The following SGCZ variants were observed in gnomAD, a reference collection of about 807,000 sequenced individuals.
SGCZ encodes the protein zeta-sarcoglycan.
Under a neutral mutation model 41.3 loss-of-function variants are expected in SGCZ, and 40 were observed. The observed-to-expected ratio is 0.97, with a 90% CI of 0.75 to 1.26. The LOEUF is 1.26. Ranked by LOEUF, SGCZ falls within the 50% of genes most tolerant of loss-of-function variation. The pLI, the probability that SGCZ is intolerant of heterozygous loss-of-function variation, is 0.00. For synonymous variants in SGCZ, 206 were observed against 137.5 expected (o/e 1.50, Z -3.49); for missense variants, 552 against 369.8 (o/e 1.49, Z -4.04).
At chr8:15,178,432 C>T (rs1800064131) in intron 1 of SGCZ, among the ~76,000 whole-genome samples, 1 of 152,178 alleles carries the variant, frequency 6.6e-6, no homozygotes, top group East Asian at 1.9e-4. Flanking sequence ...GGACTCATGT[C>T]TATATTAAGA....
chr8:14,464,647 T>A (rs996803475), intron 2 of SGCZ, among the ~76,000 whole-genome samples: 1 of 151,558 alleles, frequency 6.6e-6, no homozygotes, highest in African/African-American at 2.4e-5. Context: ...TTGGGTTTAG[T>A]TTGTTCTTCT....
intron 1 of SGCZ, among the ~76,000 whole-genome samples, chr8:15,014,017 G>A (rs1221413323): frequency 4.6e-5 from 7 of 152,124 alleles, no homozygotes; most frequent in South Asian, 2.1e-4. Flanking sequence ...AATCCCAAAC[G>A]GGTGAAAATC....
intron 1 of SGCZ, among the ~76,000 whole-genome samples, chr8:14,566,843 C>T (rs909768496): frequency 2.0e-5 from 3 of 152,178 alleles, no homozygotes; most frequent in Admixed American, 6.5e-5. Context: ...AGGCAGGAAC[C>T]GGGGCTGCAC....
At chr8:14,842,885 A>T (rs1451568463) in intron 1 of SGCZ, among the ~76,000 whole-genome samples, 1 of 152,128 alleles carries the variant, frequency 6.6e-6, no homozygotes, top group South Asian at 2.1e-4. Flanking sequence ...GGAGCCATGC[A>T]TTTTTCTCAT....
chr8:15,019,763 T>A (rs187424057), intron 1 of SGCZ, among the ~76,000 whole-genome samples: 6 of 151,490 alleles, frequency 4.0e-5, no homozygotes, highest in Non-Finnish European at 1.5e-5. Context: ...GACTCCAGCA[T>A]GTCTCCATCA....
At chr8:14,426,012 A>G (rs1229969523) in intron 2 of SGCZ, among the ~76,000 whole-genome samples, 8 of 152,326 alleles carry the variant, frequency 5.3e-5, no homozygotes, top group African/African-American at 1.9e-4. Flanking sequence ...ATTAATTAAC[A>G]TTAATTGCAA....
intron 1 of SGCZ, among the ~76,000 whole-genome samples, chr8:14,848,685 C>T (rs541176541): frequency 6.6e-6 from 1 of 152,216 alleles, no homozygotes; most frequent in South Asian, 2.1e-4. Flanking sequence ...CCACTATCTA[C>T]AAAATTTATT....
chr8:15,006,215 A>T (rs1490842622), intron 1 of SGCZ, among the ~76,000 whole-genome samples: 1 of 152,236 alleles, frequency 6.6e-6, no homozygotes. Flanking sequence ...AGCACTAGAC[A>T]TACTGATGAT....
intron 3 of SGCZ, among the ~76,000 whole-genome samples, chr8:14,239,402 T>C (rs1306432550): frequency 6.6e-6 from 1 of 152,122 alleles, no homozygotes; most frequent in Non-Finnish European, 1.5e-5. Flanking sequence ...CATCCTGCAG[T>C]TCAAAAAATT....
chr8:14,542,012 T>G (rs920408598), intron 2 of SGCZ, among the ~76,000 whole-genome samples: 1 of 152,196 alleles, frequency 6.6e-6, no homozygotes, highest in African/African-American at 2.4e-5. Flanking sequence ...TTTAGGTTCC[T>G]TGTAGATTCT....
intron 2 of SGCZ, among the ~76,000 whole-genome samples, chr8:14,475,672 T>G (rs1209571478): frequency 6.6e-6 from 1 of 152,164 alleles, no homozygotes; most frequent in Non-Finnish European, 1.5e-5. Flanking sequence ...TCAGAATCTT[T>G]TAATGAGGGT....
At chr8:15,116,614 A>C (rs1169225258) in intron 1 of SGCZ, among the ~76,000 whole-genome samples, 1 of 152,242 alleles carries the variant, frequency 6.6e-6, no homozygotes, top group East Asian at 1.9e-4. Flanking sequence ...GAAAGGGCAA[A>C]GGGTATATCC....
At chr8:14,835,277 A>AC (rs548435345) in intron 1 of SGCZ, among the ~76,000 whole-genome samples, 46 of 152,290 alleles carry the variant, frequency 3.0e-4, no homozygotes, top group African/African-American at 1.1e-3. Context: ...TTGCGAACTA[A>AC]CCTGACCTAT....
intron 1 of SGCZ, among the ~76,000 whole-genome samples, chr8:14,661,544 G>A (rs1337808569): frequency 1.3e-5 from 2 of 152,050 alleles, no homozygotes; most frequent in Admixed American, 1.3e-4. Flanking sequence ...TATGTTTTAG[G>A]TTAGGGTGTC....
chr8:14,476,289 A>C (rs1238811233), intron 2 of SGCZ, among the ~76,000 whole-genome samples: 1 of 152,160 alleles, frequency 6.6e-6, no homozygotes, highest in Non-Finnish European at 1.5e-5. Context: ...CTGCCCCAAG[A>C]GAACAAAAAG....
At chr8:14,620,303 G>C (rs1806241558) in intron 1 of SGCZ, among the ~76,000 whole-genome samples, 1 of 152,138 alleles carries the variant, frequency 6.6e-6, no homozygotes, top group Admixed American at 6.5e-5. Context: ...ATGGATTAAA[G>C]ACTTAAATGT....
At chr8:14,679,947 G>A (rs915330870) in intron 1 of SGCZ, among the ~76,000 whole-genome samples, 1 of 151,930 alleles carries the variant, frequency 6.6e-6, no homozygotes, top group Non-Finnish European at 1.5e-5. Context: ...AATGCCTACA[G>A]TACTCAGAAC....
At chr8:14,539,492 G>T (rs1454810706) in intron 2 of SGCZ, among the ~76,000 whole-genome samples, 2 of 151,788 alleles carry the variant, frequency 1.3e-5, no homozygotes, top group Non-Finnish European at 2.9e-5. Flanking sequence ...AGATTGGTGG[G>T]GTTCTCCAGC....
chr8:14,464,639 G>A (rs567401636), intron 2 of SGCZ, among the ~76,000 whole-genome samples: 2 of 150,776 alleles, frequency 1.3e-5, no homozygotes, highest in South Asian at 4.2e-4. Flanking sequence ...TGTTACTTTT[G>A]GGTTTAGTTT....
Sources: allele counts gnomAD v4.1 joint callset (sites outside exome capture counted in the v4.1 genomes callset), GRCh38; gene constraint gnomAD v4.1.1; transcripts MANE v1.5; gene names NCBI Gene and HGNC (gene_info 2026-07-23, HGNC 2026-07-21).